RERG: variants seen among roughly 807,000 people sequenced by gnomAD.
RERG encodes ras-related and estrogen-regulated growth inhibitor.
RERG carries 25 observed loss-of-function variants against 23.2 expected under a neutral mutation model. The ratio of observed to expected loss-of-function variants is 1.08; its 90% CI spans 0.79 to 1.50. The LOEUF is 1.50. Ranked by LOEUF, RERG falls within the 40% of genes most tolerant of loss-of-function variation. The pLI is 0.00. For missense variants in RERG, 253 were observed against 250.1 expected (o/e 1.01, Z -0.08); for synonymous variants, 81 against 89.1 (o/e 0.91, Z 0.51).
At chr12:15,187,881 C>G (rs1267823004) in intron 2 of RERG, among the ~76,000 whole-genome samples, 1 of 151,902 alleles carries the variant, frequency 6.6e-6, no homozygotes, top group African/African-American at 2.4e-5. Context: ...TTGAGTTATA[C>G]TAGATGAATT....
intron 2 of RERG, among the ~76,000 whole-genome samples, chr12:15,181,605 T>C (rs986077231): frequency 1.3e-5 from 2 of 152,208 alleles, no homozygotes; most frequent in Non-Finnish European, 1.5e-5. Context: ...AGTTATTTCA[T>C]AGGATTGTTA....
chr12:15,192,285 T>C (rs1331749431), intron 2 of RERG, among the ~76,000 whole-genome samples: 2 of 152,188 alleles, frequency 1.3e-5, no homozygotes, highest in African/African-American at 4.8e-5. Flanking sequence ...GGAAGCTTCC[T>C]GAGGTCTCCC....
At chr12:15,199,282 A>G (rs1448762947) in intron 2 of RERG, among the ~76,000 whole-genome samples, 1 of 152,140 alleles carries the variant, frequency 6.6e-6, no homozygotes, top group East Asian at 1.9e-4. Flanking sequence ...TTTAGTTGCT[A>G]TCATTTCTAT....
chr12:15,171,123 G>A (rs898723076), intron 2 of RERG, among the ~76,000 whole-genome samples: 2 of 152,192 alleles, frequency 1.3e-5, no homozygotes, highest in Admixed American at 1.3e-4. Flanking sequence ...CTTCCTTCAG[G>A]ATGCACCCAT....
intron 2 of RERG, among the ~76,000 whole-genome samples, chr12:15,184,384 T>A (rs1229245010): frequency 1.3e-5 from 2 of 152,154 alleles, no homozygotes; most frequent in Non-Finnish European, 2.9e-5. Flanking sequence ...TTTTTTATGC[T>A]CAAGTGGATG....
chr12:15,194,072 G>A (rs1489452477), intron 2 of RERG, among the ~76,000 whole-genome samples: 1 of 152,140 alleles, frequency 6.6e-6, no homozygotes, highest in Non-Finnish European at 1.5e-5. Flanking sequence ...AATGACTCAT[G>A]AACTCTGTGC....
chr12:15,139,191 C>T (rs1414749169), intron 2 of RERG, among the ~76,000 whole-genome samples: 1 of 151,898 alleles, frequency 6.6e-6, no homozygotes, highest in Non-Finnish European at 1.5e-5. Context: ...AACTATCTGT[C>T]TATTTGTTCA....
chr12:15,138,972 A>C (rs1230097032), intron 2 of RERG, among the ~76,000 whole-genome samples: 1 of 88,966 alleles, frequency 1.1e-5, no homozygotes, highest in African/African-American at 4.1e-5. Flanking sequence ...TATATGATCC[A>C]TTTTGATTAA....
At chr12:15,163,706 G>A (rs1265517827) in intron 2 of RERG, among the ~76,000 whole-genome samples, 1 of 152,188 alleles carries the variant, frequency 6.6e-6, no homozygotes, top group East Asian at 1.9e-4. Flanking sequence ...ACAACTAGAG[G>A]TGATGAAACA....
chr12:15,131,178 A>G (rs2136095547), intron 2 of RERG, among the ~76,000 whole-genome samples: 1 of 152,312 alleles, frequency 6.6e-6, no homozygotes, highest in South Asian at 2.1e-4. Context: ...AAAACAAGAG[A>G]AAATAAATTT....
chr12:15,185,854 A>G (rs891649044), intron 2 of RERG, among the ~76,000 whole-genome samples: 1 of 152,136 alleles, frequency 6.6e-6, no homozygotes, highest in African/African-American at 2.4e-5. Context: ...AAAATACAAA[A>G]CATAAATTTG....
chr12:15,136,028 A>G (rs1864139220), intron 2 of RERG, among the ~76,000 whole-genome samples: 2 of 152,052 alleles, frequency 1.3e-5, no homozygotes, highest in Non-Finnish European at 2.9e-5. Flanking sequence ...CTGGGCATGG[A>G]ACTTTCTGTT....
intron 2 of RERG, among the ~76,000 whole-genome samples, chr12:15,165,774 C>T (rs1864677620): frequency 6.6e-6 from 1 of 152,070 alleles, no homozygotes; most frequent in Admixed American, 6.5e-5. Context: ...TTTTAAATTC[C>T]CTGAAAGTTA....
chr12:15,209,132 GCC>G, intron 2 of RERG, among the ~76,000 whole-genome samples: 1 of 151,958 alleles, frequency 6.6e-6, no homozygotes, highest in Admixed American at 6.6e-5. Flanking sequence ...GTAGCGGACA[GCC>G]AGAGAATTCA....
chr12:15,118,714 C>A (rs573148651), intron 3 of RERG, among the ~76,000 whole-genome samples: 71 of 152,042 alleles, frequency 4.7e-4, no homozygotes, highest in African/African-American at 1.5e-3. Context: ...CATGCCCCCC[C>A]CCACCCTCAG....
chr12:15,135,946 T>C (rs1453263777), intron 2 of RERG, among the ~76,000 whole-genome samples: 1 of 152,148 alleles, frequency 6.6e-6, no homozygotes, highest in African/African-American at 2.4e-5. Context: ...CCTTTGCTTC[T>C]ATTTTCTGGA....
At chr12:15,166,523 A>ATGG (rs148048968) in intron 2 of RERG, among the ~76,000 whole-genome samples, 2 of 148,836 alleles carry the variant, frequency 1.3e-5, no homozygotes, top group East Asian at 2.0e-4. Context: ...GATGGTGGTG[A>ATGG]TGGTGGTGGT....
intron 2 of RERG, among the ~76,000 whole-genome samples, chr12:15,144,562 C>T (rs2136104051): frequency 6.6e-6 from 1 of 152,282 alleles, no homozygotes; most frequent in East Asian, 1.9e-4. Flanking sequence ...GGATTGATCA[C>T]TTGTTTCAAA....
chr12:15,163,474 A>T (rs2136115624), intron 2 of RERG, among the ~76,000 whole-genome samples: 1 of 152,338 alleles, frequency 6.6e-6, no homozygotes, highest in African/African-American at 2.4e-5. Context: ...GATAAGACAT[A>T]CATGTGGAAT....
Sources: allele counts gnomAD v4.1 joint callset (sites outside exome capture counted in the v4.1 genomes callset), GRCh38; gene constraint gnomAD v4.1.1; transcripts MANE v1.5; gene names NCBI Gene and HGNC (gene_info 2026-07-23, HGNC 2026-07-21).